The following PLEKHA5 variants were observed in gnomAD, a reference collection of about 807,000 sequenced individuals.
PLEKHA5 encodes pleckstrin homology domain containing A5.
Under a neutral mutation model 181.9 loss-of-function variants are expected in PLEKHA5, and 55 were observed. That is an observed-to-expected ratio of 0.30 (90% confidence interval 0.24 to 0.38). PLEKHA5 has a LOEUF of 0.38. PLEKHA5 is among the 10% of genes least tolerant of loss of function. The probability of loss-of-function intolerance (pLI) is 1.00; values close to 1 mark genes in which losing one functional copy is unlikely to be tolerated. For missense variants in PLEKHA5, 1,432 were observed against 1,549.5 expected, an observed-to-expected ratio of 0.92 and a Z score of 1.27; for synonymous variants, 535 against 529.4, an observed-to-expected ratio of 1.01 and a Z score of -0.15.
At chr12:19,176,775 T>C (rs187042926) in intron 3 of PLEKHA5, among the ~76,000 whole-genome samples, 1 of 152,272 alleles carries the variant, frequency 6.6e-6, no homozygotes, top group African/African-American at 2.4e-5. Context: ...ACAAATAATA[T>C]ATATATCATA....
chr12:19,238,795 T>TG (rs2061869974), intron 3 of PLEKHA5, among the ~76,000 whole-genome samples: 2 of 57,658 alleles, frequency 3.5e-5, no homozygotes, highest in Admixed American at 5.5e-4. Context: ...AAATTAAATC[T>TG]GGCCAAAAAA....
chr12:19,342,616 G>A lies in PLEKHA5; in HGVS notation c.2551-707G>A, dbSNP rs373991395. 1.4e-4 allele frequency among the ~76,000 whole-genome samples: 22 copies of A among 151,864 alleles called. No individual in the cohort carries two copies. The South Asian group carries it at 3.5e-3, about 24-fold the overall frequency. ...GTTTGCAGTGAGCTGAGATTATGTC[G>A]TTGCACAAAATACAAAAATTATGGC... On this transcript the variant is annotated intron_variant, in intron 21 of 31. Coordinates refer to ENST00000429027, the MANE Select transcript of PLEKHA5 (RefSeq NM_001256470.2).
chr12:19,253,034 G>A (rs983475624), intron 3 of PLEKHA5, among the ~76,000 whole-genome samples: 2 of 119,770 alleles, frequency 1.7e-5, no homozygotes, highest in South Asian at 2.9e-4. Flanking sequence ...ACAATGCAGT[G>A]TAAAGAGCTA....
rs368824231 is a variant in PLEKHA5 at position 19,130,530 on chromosome 12, C to T, written c.169+400C>T. On this transcript the variant is annotated intron_variant, in intron 2 of 31. Transcript: ENST00000429027. This position sits in a 1 kb window ranked among gnomAD's most constrained non-coding sequence, Gnocchi z 4.5. ...TGCCGTCTTGCCCCCCAGCAATCTT[C>T]AGGCAGTCCTTACCCACTCCCCTCC... Among the ~76,000 whole-genome samples, 181 of 151,986 alleles carry T rather than the reference C, an allele frequency of 1.2e-3. No individual in the cohort carries two copies. Among genetic ancestry groups the T allele is most frequent in the Middle Eastern group, 3.4e-3 (1 of 294 alleles).
At position 19,287,597 on chromosome 12, in the gene PLEKHA5, G is replaced by A. The variant is rs570483819; in HGVS notation, c.1863+41G>A. 16 of 1,089,090 alleles carry A rather than the reference G, an allele frequency of 1.5e-5. No homozygotes were observed. The East Asian group carries it at 3.5e-4, about 24-fold the overall frequency. 67.5% of individuals were successfully genotyped at this position (1,089,090 alleles called of 1,614,324 possible). On this transcript the variant is annotated intron_variant, in intron 13 of 31. Transcript: ENST00000429027. ...ATTTACCATACCATGTTTTATTTAT[G>A]TGCTGCACAGGAAGGTACATATCTA...
intron 8 of PLEKHA5, among the ~76,000 whole-genome samples, chr12:19,269,104 T>A (rs2071617762): frequency 6.6e-6 from 1 of 152,104 alleles, no homozygotes; most frequent in Non-Finnish European, 1.5e-5. Context: ...TAAATATTCT[T>A]ATTCTGGGTG....
chr12:19,177,380 C>A (rs558869352), intron 3 of PLEKHA5, among the ~76,000 whole-genome samples: 1 of 152,126 alleles, frequency 6.6e-6, no homozygotes, highest in Admixed American at 6.5e-5. Context: ...TGGTAGAAAC[C>A]AGATTTCATG....
chr12:19,325,260 G>A (rs1294659413), intron 20 of PLEKHA5, among the ~76,000 whole-genome samples: 1 of 152,096 alleles, frequency 6.6e-6, no homozygotes, highest in Non-Finnish European at 1.5e-5. Flanking sequence ...GCATGGTGGT[G>A]TACACCTGTG....
intron 15 of PLEKHA5, among the ~76,000 whole-genome samples, chr12:19,298,332 T>C (rs892536511): frequency 6.6e-6 from 1 of 152,058 alleles, no homozygotes; most frequent in Non-Finnish European, 1.5e-5. Context: ...TATGTGTCTC[T>C]TAAATTGGCC....
At chr12:19,203,994 C>T (rs981920981) in intron 3 of PLEKHA5, among the ~76,000 whole-genome samples, 1 of 152,014 alleles carries the variant, frequency 6.6e-6, no homozygotes. Context: ...AAAACATATG[C>T]GTATTGACAC....
At chr12:19,258,065 CT>C (rs1182205022) in intron 6 of PLEKHA5, among the ~76,000 whole-genome samples, 3 of 150,540 alleles carry the variant, frequency 2.0e-5, no homozygotes, top group Non-Finnish European at 4.4e-5. Context: ...TTTATTTTTT[CT>C]TTTCTTTTTA....
chr12:19,271,705 C>T (rs1211111053), intron 10 of PLEKHA5, among the ~76,000 whole-genome samples: 6 of 152,042 alleles, frequency 3.9e-5, no homozygotes, highest in East Asian at 1.9e-4. Flanking sequence ...GATAATTACT[C>T]GTAATTTGGG....
rs1420861292 is a variant in PLEKHA5, at chr12:19,165,767, TCTAA to T, written c.227+33321_227+33324del. 5.9e-5 allele frequency among the ~76,000 whole-genome samples: 9 copies of T among 152,254 alleles called. No homozygotes were observed. In the South Asian group the frequency reaches 1.2e-3, roughly 21 times the overall value. On this transcript the variant is annotated intron_variant, in intron 3 of 31. Transcript: ENST00000429027. ...ACGCTCTAAAACCTCTGTATTTTGG[TCTAA>T]CTATCAAATGGCCAGACCACTTTGG... is the stretch of plus-strand genomic sequence containing the variant.
chr12:19,352,450 C>T (rs1243016132), intron 25 of PLEKHA5, among the ~76,000 whole-genome samples: 3 of 150,898 alleles, frequency 2.0e-5, no homozygotes, highest in African/African-American at 7.3e-5. Flanking sequence ...CTATTGTTAA[C>T]ATTGTTAGTG....
chr12:19,262,230 G>GGTTTT (rs1158776462), intron 7 of PLEKHA5, among the ~76,000 whole-genome samples: 2 of 151,620 alleles, frequency 1.3e-5, no homozygotes, highest in African/African-American at 4.8e-5. Context: ...GAATTTGTTG[G>GGTTTT]GTTTTGTTTT....
intron 14 of PLEKHA5, 106 bp downstream of exon 14, chr12:19,290,902 C>G: frequency 1.0e-6 from 1 of 957,116 alleles, no homozygotes; most frequent in Admixed American, 3.0e-5. Context: ...TGAGCCCATA[C>G]CATCATTATA....
At chr12:19,212,879 G>A (rs1367226286) in intron 3 of PLEKHA5, among the ~76,000 whole-genome samples, 1 of 149,488 alleles carries the variant, frequency 6.7e-6, no homozygotes, top group East Asian at 2.0e-4. Context: ...GACTGTAAGT[G>A]GCAGAGTTAG....
chr12:19,324,055 A>G (rs1406973349), intron 20 of PLEKHA5, among the ~76,000 whole-genome samples: 2 of 152,178 alleles, frequency 1.3e-5, no homozygotes, highest in African/African-American at 2.4e-5. Context: ...AAAAACTGCC[A>G]TGTTATATAA....
intron 15 of PLEKHA5, among the ~76,000 whole-genome samples, chr12:19,302,314 T>C (rs2081731279): frequency 6.6e-6 from 1 of 152,228 alleles, no homozygotes; most frequent in Admixed American, 6.5e-5. Context: ...AAAGGAACTA[T>C]TGGCACAGAA....
Sources: allele counts gnomAD v4.1 joint callset (sites outside exome capture counted in the v4.1 genomes callset), GRCh38; gene constraint gnomAD v4.1.1; non-coding constraint Gnocchi (gnomAD v3.1); transcripts MANE v1.5; gene names NCBI Gene and HGNC (gene_info 2026-07-23, HGNC 2026-07-21).